Variants in PDZRN3 observed in about 807,000 individuals in gnomAD.
PDZRN3 encodes E3 ubiquitin-protein ligase PDZRN3.
PDZRN3 carries 38 observed loss-of-function variants against 85.7 expected under a neutral mutation model. The observed-to-expected ratio is 0.44, with a 90% CI of 0.34 to 0.58. PDZRN3 has a LOEUF of 0.58. Among genes scored for constraint, PDZRN3 ranks in the 20% least tolerant of loss-of-function variants. PDZRN3 has a pLI of 0.01. For synonymous variants in PDZRN3, 759 were observed against 638.0 expected, an observed-to-expected ratio of 1.19 and a Z score of -2.86; for missense variants, 1,629 against 1,506.4, an observed-to-expected ratio of 1.08 and a Z score of -1.35.
At chr3:73,474,531 A>T (rs770980329) in intron 3 of PDZRN3, 16 of 1,287,786 alleles carry the variant, frequency 1.2e-5, no homozygotes, top group Non-Finnish European at 1.6e-5. Context: ...CTTGTGTTCC[A>T]TCTTCATTTA....
intron 3 of PDZRN3, among the ~76,000 whole-genome samples, chr3:73,451,790 T>C (rs1243797020): frequency 6.6e-6 from 1 of 152,160 alleles, no homozygotes; most frequent in Non-Finnish European, 1.5e-5. Flanking sequence ...TCATTTACTA[T>C]CATATGATAG....
chr3:73,505,431 T>A (rs1388134080), intron 3 of PDZRN3, among the ~76,000 whole-genome samples: 1 of 152,112 alleles, frequency 6.6e-6, no homozygotes, highest in East Asian at 1.9e-4. Flanking sequence ...TGGGTAGAAA[T>A]AATAATGCAA....
intron 3 of PDZRN3, among the ~76,000 whole-genome samples, chr3:73,410,536 T>C (rs1701945253): frequency 6.6e-6 from 1 of 152,214 alleles, no homozygotes; most frequent in African/African-American, 2.4e-5. Context: ...AACCATCAGA[T>C]CCCCTCCTTA....
chr3:73,594,574 A>C (rs1269667148), intron 3 of PDZRN3, among the ~76,000 whole-genome samples: 2 of 152,186 alleles, frequency 1.3e-5, no homozygotes, highest in Non-Finnish European at 2.9e-5. Flanking sequence ...CAACATTTAG[A>C]ATCCCAACAC....
intron 3 of PDZRN3, among the ~76,000 whole-genome samples, chr3:73,534,609 G>C (rs1025861594): frequency 6.6e-6 from 1 of 152,118 alleles, no homozygotes; most frequent in Non-Finnish European, 1.5e-5. Context: ...GAAAACCATG[G>C]GTCAAGATTT....
chr3:73,520,699 C>T (rs961713434), intron 3 of PDZRN3, among the ~76,000 whole-genome samples: 3 of 152,028 alleles, frequency 2.0e-5, no homozygotes, highest in Non-Finnish European at 4.4e-5. Context: ...TGTACACACA[C>T]AAGCACACAC....
chr3:73,588,734 GAC>G (rs1480822015), intron 3 of PDZRN3, among the ~76,000 whole-genome samples: 2 of 152,182 alleles, frequency 1.3e-5, no homozygotes, highest in African/African-American at 4.8e-5. Flanking sequence ...TTACAGTCAT[GAC>G]ACACAGTTTC....
intron 1 of PDZRN3, among the ~76,000 whole-genome samples, chr3:73,615,907 C>A (rs951221915): frequency 6.6e-6 from 1 of 152,130 alleles, no homozygotes; most frequent in Non-Finnish European, 1.5e-5. Flanking sequence ...GGATGACTGT[C>A]CCCCCAAATC....
At chr3:73,417,283 C>G (rs1290269388) in intron 3 of PDZRN3, among the ~76,000 whole-genome samples, 2 of 152,088 alleles carry the variant, frequency 1.3e-5, no homozygotes, top group African/African-American at 4.8e-5. Flanking sequence ...TGATAATTTT[C>G]TCCCTCTTGC....
intron 3 of PDZRN3, among the ~76,000 whole-genome samples, chr3:73,508,938 C>T (rs1704115663): frequency 6.6e-6 from 1 of 152,124 alleles, no homozygotes; most frequent in South Asian, 2.1e-4. Flanking sequence ...TATATTATGC[C>T]TATGGTTTAT....
intron 1 of PDZRN3, among the ~76,000 whole-genome samples, chr3:73,619,159 C>A (rs956096785): frequency 6.6e-6 from 1 of 152,134 alleles, no homozygotes; most frequent in Non-Finnish European, 1.5e-5. Context: ...TGGGTCATCA[C>A]GGAGAAACTC....
At chr3:73,494,037 TC>T (rs1703824325) in intron 3 of PDZRN3, among the ~76,000 whole-genome samples, 1 of 152,236 alleles carries the variant, frequency 6.6e-6, no homozygotes, top group African/African-American at 2.4e-5. Context: ...AAGCTAGATA[TC>T]CTTGTATTTT....
At chr3:73,421,945 T>C (rs1702212655) in intron 3 of PDZRN3, among the ~76,000 whole-genome samples, 1 of 152,170 alleles carries the variant, frequency 6.6e-6, no homozygotes, top group South Asian at 2.1e-4. Flanking sequence ...CCGTGCCTGG[T>C]CAAGTACTTC....
intron 3 of PDZRN3, among the ~76,000 whole-genome samples, chr3:73,428,203 G>A (rs1454371718): frequency 2.0e-5 from 3 of 152,040 alleles, no homozygotes; most frequent in Admixed American, 6.6e-5. Flanking sequence ...AAGGGCACTG[G>A]GGAGCCAGTG....
chr3:73,461,329 G>T (rs1369085587), intron 3 of PDZRN3, among the ~76,000 whole-genome samples: 1 of 152,138 alleles, frequency 6.6e-6, no homozygotes, highest in Non-Finnish European at 1.5e-5. Flanking sequence ...AGTCAATTTT[G>T]CAGATAATTC....
intron 1 of PDZRN3, among the ~76,000 whole-genome samples, chr3:73,610,923 T>G (rs1259424283): frequency 6.6e-6 from 1 of 152,216 alleles, no homozygotes; most frequent in East Asian, 1.9e-4. Context: ...ATAAAATGCT[T>G]TATTTCATTT....
chr3:73,445,099 C>A (rs1702722015), intron 3 of PDZRN3, among the ~76,000 whole-genome samples: 1 of 152,136 alleles, frequency 6.6e-6, no homozygotes, highest in Non-Finnish European at 1.5e-5. Context: ...ATAGGGAGAG[C>A]CTAAATCTGA....
chr3:73,567,077 T>C (rs1227271880), intron 3 of PDZRN3, among the ~76,000 whole-genome samples: 6 of 152,144 alleles, frequency 3.9e-5, no homozygotes, highest in Non-Finnish European at 5.9e-5. Context: ...TGGAAAAATA[T>C]AAGAGAAAAA....
At position 73,600,337 on chromosome 3, in the gene PDZRN3, A is replaced by ACACACACTCTCTCTCT. The variant is rs34405662; in HGVS notation, c.918+2016_918+2017insAGAGAGAGAGTGTGTG. 1.8e-3 allele frequency among the ~76,000 whole-genome samples: 183 copies of ACACACACTCTCTCTCT among 100,074 alleles called. 2 individuals are homozygous for ACACACACTCTCTCTCT. The highest frequency in any genetic ancestry group is 6.7e-3 in the Middle Eastern group (1 of 150). The allele number at this position is 100,074 out of a possible 152,430, so 65.7% of individuals were successfully genotyped here. ...CACACACACACACACACACACACAC[A>ACACACACTCTCTCTCT]CTCTCTCTCTCTCTCTCTCTCTCTC... On this transcript the variant is annotated intron_variant, in intron 3 of 9. Coordinates refer to ENST00000263666, the MANE Select transcript of PDZRN3 (RefSeq NM_015009.3).
Sources: allele counts gnomAD v4.1 joint callset (sites outside exome capture counted in the v4.1 genomes callset), GRCh38; gene constraint gnomAD v4.1.1; transcripts MANE v1.5; gene names NCBI Gene and HGNC (gene_info 2026-07-23, HGNC 2026-07-21).